Variants in TGFB3 observed in about 807,000 individuals in gnomAD.
The protein encoded by TGFB3 is transforming growth factor beta 3.
A neutral mutation model predicts 40.1 loss-of-function variants in TGFB3; 5 were observed. That is an observed-to-expected ratio of 0.12 (90% CI 0.07 to 0.26). The LOEUF (loss-of-function observed/expected upper bound fraction) is 0.26, where lower values mean the gene tolerates loss of function less well. Ranked by LOEUF, TGFB3 falls within the 10% of genes least tolerant of loss-of-function variation. The pLI is 1.00. For missense variants in TGFB3, 373 were observed against 530.1 expected (o/e 0.70, Z 2.91); for synonymous variants, 184 against 205.6 (o/e 0.89, Z 0.90).
At chr14:75,967,488 C>A (rs2035233810) in intron 3 of TGFB3, among the ~76,000 whole-genome samples, 1 of 152,140 alleles carries the variant, frequency 6.6e-6, no homozygotes. Context: ...ACACAGTGTA[C>A]CTCCTGGTCA....
At chr14:75,967,337 G>A (rs968925074) in intron 3 of TGFB3, among the ~76,000 whole-genome samples, 7 of 152,226 alleles carry the variant, frequency 4.6e-5, no homozygotes, top group African/African-American at 1.7e-4. Flanking sequence ...GCTCAGTGAG[G>A]GAAGGCAGAC....
At chr14:75,959,858 G>A (rs776326513) in intron 6 of TGFB3, among the ~76,000 whole-genome samples, 1 of 142,256 alleles carries the variant, frequency 7.0e-6, no homozygotes, top group Non-Finnish European at 1.5e-5. Flanking sequence ...GACAGAAGCA[G>A]AACAACTGCA....
rs1313937289 is a variant in TGFB3 at position 75,981,988 on chromosome 14, A to G, written c.-1095T>C. Among the ~76,000 whole-genome samples the G allele has an allele frequency of 1.3e-5, 2 of 150,448 alleles. No homozygotes were observed. The highest frequency in any genetic ancestry group is 6.6e-5 in the Admixed American group (1 of 15,158). ...CTCTCACACACACACACATGCACAC[A>G]CACTGCTTTCTCTATTTCTCTCTGC... On this transcript the variant is annotated 5_prime_UTR_variant, in exon 1 of 7. Coordinates refer to ENST00000238682, the MANE Select transcript of TGFB3 (RefSeq NM_003239.5). The surrounding 1 kb of genome is among the most constrained non-coding windows in gnomAD (Gnocchi z 4.7).
intron 3 of TGFB3, among the ~76,000 whole-genome samples, chr14:75,968,220 C>G (rs1165732740): frequency 6.6e-6 from 1 of 152,218 alleles, no homozygotes; most frequent in African/African-American, 2.4e-5. Flanking sequence ...TCTACACCGC[C>G]AACTGCTCCA....
intron 3 of TGFB3, chr14:75,965,993 G>C (rs1289527312): frequency 2.4e-6 from 1 of 413,482 alleles, no homozygotes; most frequent in Non-Finnish European, 4.6e-6. Context: ...ATGGTATTAA[G>C]AGAAAATTGT....
chr14:75,981,115 C>T lies in TGFB3; in HGVS notation c.-222G>A, dbSNP rs1377444267. 2 of 585,100 alleles carry T rather than the reference C, an allele frequency of 3.4e-6. No individual in the cohort carries two copies. Among genetic ancestry groups the T allele is most frequent in the Non-Finnish European group, 3.1e-6 (1 of 326,692 alleles). 36.2% of individuals were successfully genotyped at this position (585,100 alleles called of 1,614,324 possible). A position where few individuals can be genotyped will look rare whatever the true frequency, so the allele number is the denominator to read the frequency against. On this transcript the variant is annotated 5_prime_UTR_variant, in exon 1 of 7. Coordinates refer to ENST00000238682, the MANE Select transcript of TGFB3 (RefSeq NM_003239.5). The surrounding 1 kb of genome is among the most constrained non-coding windows in gnomAD (Gnocchi z 4.7). ...AAGAAGCGGACTGTGTGCCTTGTAG[C>T]GCTGGGATTCTTGTCCATGTGTCTA... is the stretch of plus-strand genomic sequence containing the variant.
intron 1 of TGFB3, among the ~76,000 whole-genome samples, chr14:75,972,442 C>T (rs2035304964): frequency 1.3e-5 from 2 of 152,226 alleles, no homozygotes; most frequent in Admixed American, 6.5e-5. Context: ...CAGAGTGCCC[C>T]GGAAGATGTC....
In TGFB3 at chr14:75,978,202, C is replaced by T. The variant is rs1428835783; in HGVS notation, c.352+2340G>A. Reference sequence around the variant, plus strand: ...AACAGAACGTGATCTCATGACCTCCCAGCAGAGGCTCTGGCATTGAGACCC... The same window carrying T: ...AACAGAACGTGATCTCATGACCTCCTAGCAGAGGCTCTGGCATTGAGACCC... On this transcript the variant is annotated intron_variant, in intron 1 of 6. Coordinates refer to ENST00000238682, the MANE Select transcript of TGFB3 (RefSeq NM_003239.5). The surrounding 1 kb of genome is among the most constrained non-coding windows in gnomAD (Gnocchi z 5.0). Among the ~76,000 whole-genome samples, 1 of 152,154 alleles carries T rather than the reference C, an allele frequency of 6.6e-6. No individual in the cohort carries two copies. The highest frequency in any genetic ancestry group is 2.4e-5 in the African/African-American group (1 of 41,438).
At chr14:75,964,700 A>G (rs2035201233) in intron 4 of TGFB3, among the ~76,000 whole-genome samples, 1 of 152,236 alleles carries the variant, frequency 6.6e-6, no homozygotes, top group African/African-American at 2.4e-5. Flanking sequence ...TATGAACAAG[A>G]TAAGTATTCA....
At position 75,978,980 on chromosome 14, in the gene TGFB3, C is replaced by T. The variant is rs1185684763; in HGVS notation, c.352+1562G>A. On this transcript the variant is annotated intron_variant, in intron 1 of 6. Transcript: ENST00000238682. The surrounding 1 kb of genome is among the most constrained non-coding windows in gnomAD (Gnocchi z 5.0). ...TGATGCTTGTGGTCACTATCTCCCG[C>T]GTTGGTGGGTTCCCAGGGAGTTGGA... Among the ~76,000 whole-genome samples, 2 of 152,148 alleles carry T rather than the reference C, an allele frequency of 1.3e-5. No individual in the cohort carries two copies. The highest frequency in any genetic ancestry group is 2.9e-5 in the Non-Finnish European group (2 of 68,018).
At chr14:75,959,803 G>C (rs2035131266) in intron 6 of TGFB3, among the ~76,000 whole-genome samples, 1 of 151,740 alleles carries the variant, frequency 6.6e-6, no homozygotes, top group African/African-American at 2.4e-5. Flanking sequence ...GTTGGAACCT[G>C]GTTTGGGTGA....
In TGFB3 at chr14:75,971,265, A is replaced by G. The variant is rs375794497; in HGVS notation, c.517-10T>C. 6.2e-7 allele frequency: 1 copy of G among 1,614,160 alleles called. No homozygotes were observed. Among genetic ancestry groups the G allele is most frequent in the Middle Eastern group, 1.6e-4 (1 of 6,062 alleles). On this transcript the variant is annotated splice_polypyrimidine_tract_variant and intron_variant, in intron 2 of 6. Transcript: ENST00000238682. This position sits in a 1 kb window ranked among gnomAD's most constrained non-coding sequence, Gnocchi z 4.5. ...CATCTGGCCGAAGGATCTACAGGGC[A>G]GAGAAAGGAGTGAGTACCCGAGACC...
In TGFB3 at chr14:75,963,495, A is replaced by G; in HGVS notation, c.755-8T>C. The G allele has an allele frequency of 6.2e-7, 1 of 1,614,100 alleles. No homozygotes were observed. The highest frequency in any genetic ancestry group is 1.1e-5 in the South Asian group (1 of 91,074). On this transcript the variant is annotated splice_polypyrimidine_tract_variant and splice_region_variant and intron_variant, in intron 4 of 6. Transcript: ENST00000238682. ...CATCCTCATTGTCCACGCCTGAAGA[A>G]GGGAAGGAAAGTGACAATCTCCTGT...
rs1190239258 is a variant in TGFB3 at position 75,978,274 on chromosome 14, G to A, written c.352+2268C>T. Among the ~76,000 whole-genome samples, 1 of 152,150 alleles carries A rather than the reference G, an allele frequency of 6.6e-6. No homozygotes were observed. The highest frequency in any genetic ancestry group is 1.5e-5 in the Non-Finnish European group (1 of 68,026). ...TGGTGTCACCCCTGTCTGCCCTCAT[G>A]AGTTAAAGACAGGCTTCCTTCCCCC... On this transcript the variant is annotated intron_variant, in intron 1 of 6. Coordinates refer to ENST00000238682, the MANE Select transcript of TGFB3 (RefSeq NM_003239.5). The surrounding 1 kb of genome is among the most constrained non-coding windows in gnomAD (Gnocchi z 5.0).
In TGFB3 at chr14:75,971,387, T is replaced by C; in HGVS notation, c.517-132A>G. On this transcript the variant is annotated intron_variant, in intron 2 of 6. Coordinates refer to ENST00000238682, the MANE Select transcript of TGFB3 (RefSeq NM_003239.5). This position sits in a 1 kb window ranked among gnomAD's most constrained non-coding sequence, Gnocchi z 4.5. ...TGAATGCCATGGCCCTCGAGCACCT[T>C]AGCTAACTCTTAAGTGTTTTAATGA... is the stretch of plus-strand genomic sequence containing the variant. 1 of 1,521,658 alleles carries C rather than the reference T, an allele frequency of 6.6e-7. No homozygotes were observed. The highest frequency in any genetic ancestry group is 1.4e-5 in the African/African-American group (1 of 72,900). The allele number at this position is 1,521,658 out of a possible 1,614,324, so 94.3% of individuals were successfully genotyped here. A position where few individuals can be genotyped will look rare whatever the true frequency, so the allele number is the denominator to read the frequency against.
intron 6 of TGFB3, 86 bp from the exon 7 acceptor site, chr14:75,959,431 C>T: frequency 3.0e-5 from 47 of 1,557,822 alleles, no homozygotes; most frequent in Non-Finnish European, 4.1e-5. Flanking sequence ...GGGGCAGTCC[C>T]AGAAGCTGAG....
rs116505940 is a variant in TGFB3, at chr14:75,962,439, A to G, written c.926+877T>C. On this transcript the variant is annotated intron_variant, in intron 5 of 6. Transcript: ENST00000238682. ...CCAAGCCCAACCATCCTCATAAGACATGGTTTCCAGATCTAAATATTTCCC... is the reference window on the plus strand; with the variant it reads ...CCAAGCCCAACCATCCTCATAAGACGTGGTTTCCAGATCTAAATATTTCCC... Among the ~76,000 whole-genome samples, 854 of 152,196 alleles carry G rather than the reference A, an allele frequency of 5.6e-3. 11 individuals are homozygous for G. Among genetic ancestry groups the G allele is most frequent in the African/African-American group, 0.019 (789 of 41,512 alleles).
chr14:75,971,860 T>C lies in TGFB3; in HGVS notation c.353-142A>G, dbSNP rs2035298786. 9.5e-6 allele frequency: 8 copies of C among 846,040 alleles called. No individual in the cohort carries two copies. In the South Asian group the frequency reaches 9.5e-5, roughly 10 times the overall value. The allele number at this position is 846,040 out of a possible 1,614,324, so 52.4% of individuals were successfully genotyped here. On this transcript the variant is annotated intron_variant, in intron 1 of 6. Coordinates refer to ENST00000238682, the MANE Select transcript of TGFB3 (RefSeq NM_003239.5). The surrounding 1 kb of genome is among the most constrained non-coding windows in gnomAD (Gnocchi z 4.5). ...GAGGCCTCAGACCGCAAGGTGGAGA[T>C]ACGAGGAAGATTCTTGGTGGCCCTA...
rs2035426119 is a variant in TGFB3 at position 75,981,103 on chromosome 14, T to C, written c.-210A>G. 1.6e-6 allele frequency: 1 copy of C among 611,374 alleles called. No individual in the cohort carries two copies. The highest frequency in any genetic ancestry group is 1.9e-5 in the South Asian group (1 of 53,114). 37.9% of individuals were successfully genotyped at this position (611,374 alleles called of 1,614,324 possible). A position where few individuals can be genotyped will look rare whatever the true frequency, so the allele number is the denominator to read the frequency against. On this transcript the variant is annotated 5_prime_UTR_variant, in exon 1 of 7. Transcript: ENST00000238682. This position sits in a 1 kb window ranked among gnomAD's most constrained non-coding sequence, Gnocchi z 4.7. ...ACCCTGAGGACGAAGAAGCGGACTG[T>C]GTGCCTTGTAGCGCTGGGATTCTTG...
Sources: allele counts gnomAD v4.1 joint callset (sites outside exome capture counted in the v4.1 genomes callset), GRCh38; gene constraint gnomAD v4.1.1; non-coding constraint Gnocchi (gnomAD v3.1); transcripts MANE v1.5; gene names NCBI Gene and HGNC (gene_info 2026-07-23, HGNC 2026-07-21).